The following AMTN variants were observed in gnomAD, a reference collection of about 807,000 sequenced individuals.
The protein encoded by AMTN is amelotin.
A neutral mutation model predicts 27.4 loss-of-function variants in AMTN; 29 were observed. That is an observed-to-expected ratio of 1.06 (90% confidence interval 0.79 to 1.44). The LOEUF (loss-of-function observed/expected upper bound fraction) is 1.44, where lower values mean the gene tolerates loss of function less well. Among genes scored for constraint, AMTN ranks in the 40% most tolerant of loss-of-function variants. The probability of loss-of-function intolerance (pLI) is 0.00; values close to 1 mark genes in which losing one functional copy is unlikely to be tolerated. For synonymous variants in AMTN, 86 were observed against 95.7 expected, an observed-to-expected ratio of 0.90 and a Z score of 0.59; for missense variants, 247 against 248.8, an observed-to-expected ratio of 0.99 and a Z score of 0.05.
chr4:70,525,949 C>T (rs1014894076), intron 5 of AMTN, among the ~76,000 whole-genome samples: 1 of 152,030 alleles, frequency 6.6e-6, no homozygotes, highest in Non-Finnish European at 1.5e-5. Flanking sequence ...TACAATAATC[C>T]TTTTACAGCA....
rs1262490687 is a variant in AMTN at position 70,531,058 on chromosome 4, TCATCATC to T, written c.381_387del (p.Ile128ProfsTer31). 12 of 1,613,914 alleles carry T rather than the reference TCATCATC, an allele frequency of 7.4e-6. No individual in the cohort carries two copies. The African/African-American group carries it at 1.6e-4, about 22-fold the overall frequency. Reference sequence around the variant, plus strand: ...TTCCAGCCACAAATCTTCACGAGCCTCATCATCCATTCCTTGTTCCCGGGAGGCATCC... The same window carrying T: ...TTCCAGCCACAAATCTTCACGAGCCTCATTCCTTGTTCCCGGGAGGCATCC... On this transcript the variant is annotated frameshift_variant, in exon 8 of 9. Transcript: ENST00000339336. LOFTEE classifies it high-confidence loss of function.
intron 4 of AMTN, among the ~76,000 whole-genome samples, chr4:70,524,228 C>T (rs1736045794): frequency 1.3e-5 from 2 of 152,068 alleles, no homozygotes; most frequent in Admixed American, 1.3e-4. Context: ...TCTTTAATGC[C>T]CCTACAGCAT....
intron 3 of AMTN, among the ~76,000 whole-genome samples, 165 bp from the exon 4 acceptor site, chr4:70,523,703 C>CA (rs1736028178): frequency 6.6e-6 from 1 of 152,164 alleles, no homozygotes; most frequent in South Asian, 2.1e-4. Context: ...CCCAGGGCCA[C>CA]AAAGGGAGCA....
chr4:70,522,672 A>C lies in AMTN; in HGVS notation c.55-83A>C, dbSNP rs111449428. ...AAGCCTAAAAGATAGACATGTTTGC[A>C]TTGGTGGCAACCTGGATATAAATGG... On this transcript the variant is annotated intron_variant, in intron 2 of 8. Coordinates refer to ENST00000339336, the MANE Select transcript of AMTN (RefSeq NM_212557.4). The C allele has an allele frequency of 2.7e-4, 345 of 1,294,478 alleles. No individual in the cohort carries two copies. In the African/African-American group the frequency reaches 2.8e-3, roughly 10 times the overall value. The allele number at this position is 1,294,478 out of a possible 1,614,324, so 80.2% of individuals were successfully genotyped here.
At chr4:70,529,801 T>C (rs1387299382) in intron 7 of AMTN, among the ~76,000 whole-genome samples, 2 of 152,160 alleles carry the variant, frequency 1.3e-5, no homozygotes, top group African/African-American at 4.8e-5. Flanking sequence ...CAGTACAGAA[T>C]TGAGGCAATA....
Position 70,532,504 on chromosome 4 carries a change from G to T in AMTN, c.*39G>T, listed in dbSNP as rs116235695. The stretch of plus-strand genomic sequence containing the variant: ...TTTTCAACTAAGCTGCCTCGAATTT[G>T]GTGATACATGTGAATCTTTATCATT... On this transcript the variant is annotated 3_prime_UTR_variant, in exon 9 of 9. Coordinates refer to ENST00000339336, the MANE Select transcript of AMTN (RefSeq NM_212557.4). 2,074 of 1,589,140 alleles carry T rather than the reference G, an allele frequency of 1.3e-3. 27 individuals are homozygous for T. The African/African-American group carries it at 0.025, about 19-fold the overall frequency.
At chr4:70,532,215 C>T (rs1001524251) in intron 8 of AMTN, among the ~76,000 whole-genome samples, 14 of 152,112 alleles carry the variant, frequency 9.2e-5, no homozygotes, top group African/African-American at 3.1e-4. Context: ...AGCAGATAAA[C>T]CCATCTGCCG....
intron 1 of AMTN, 49 bp downstream of exon 1, chr4:70,518,703 T>C: frequency 8.2e-7 from 1 of 1,218,230 alleles, no homozygotes. Flanking sequence ...TTTTAAAGTA[T>C]CATTTTCTCT....
At chr4:70,532,063 G>A (rs1736237741) in intron 8 of AMTN, among the ~76,000 whole-genome samples, 1 of 152,156 alleles carries the variant, frequency 6.6e-6, no homozygotes, top group Non-Finnish European at 1.5e-5. Flanking sequence ...CACGCACATA[G>A]AAGCCTATAG....
intron 5 of AMTN, among the ~76,000 whole-genome samples, chr4:70,525,460 C>CA (rs1453488697): frequency 1.8e-4 from 27 of 151,940 alleles, no homozygotes; most frequent in Non-Finnish European, 1.5e-5. Context: ...CACTTGCTTT[C>CA]AAAAAAACGA....
In AMTN at chr4:70,531,106, C is replaced by T. The variant is rs1313112154; in HGVS notation, c.425C>T (p.Ala142Val). 1.2e-6 allele frequency: 2 copies of T among 1,613,992 alleles called. No homozygotes were observed. Among genetic ancestry groups the T allele is most frequent in the African/African-American group, 2.7e-5 (2 of 74,930 alleles). Residue 142 changes from alanine to valine, a missense_variant, in exon 8 of 9, where the codon GCA (alanine) becomes GTA (valine). Ala to Val is a moderately conservative substitution (Grantham distance 64, BLOSUM62 0). Transcript: ENST00000339336. The part of the protein sequence containing the change: ...FPGGILPTSQ[A>V]GANPDVQDGS... ...GGAGGCATCCTGCCCACCAGTCAGGCAGGGGCTAATCCAGATGTCCAGGAT... is the reference window on the plus strand; with the variant it reads ...GGAGGCATCCTGCCCACCAGTCAGGTAGGGGCTAATCCAGATGTCCAGGAT...
At chr4:70,521,638 C>CTTTT (rs1560572106) in intron 2 of AMTN, among the ~76,000 whole-genome samples, 1 of 78,956 alleles carries the variant, frequency 1.3e-5, no homozygotes, top group African/African-American at 5.0e-5. Context: ...ATACCAACCT[C>CTTTT]TCTTTTTTTT....
chr4:70,523,735 G>T lies in AMTN; in HGVS notation c.139-133G>T, dbSNP rs1736029271. The T allele has an allele frequency of 6.8e-6, 5 of 739,588 alleles. No homozygotes were observed. In the Admixed American group the frequency reaches 1.1e-4, roughly 16 times the overall value. 45.8% of individuals were successfully genotyped at this position (739,588 alleles called of 1,614,324 possible). A position where few individuals can be genotyped will look rare whatever the true frequency, so the allele number is the denominator to read the frequency against. On this transcript the variant is annotated intron_variant, in intron 3 of 8. Coordinates refer to ENST00000339336, the MANE Select transcript of AMTN (RefSeq NM_212557.4). ...AGCAATGCTAGTGAGAGGCCCCGAG[G>T]CTTCATCTTTATTTACCTTCATGGT...
chr4:70,528,968 T>A (rs2109774376), intron 6 of AMTN, among the ~76,000 whole-genome samples: 1 of 152,340 alleles, frequency 6.6e-6, no homozygotes, highest in African/African-American at 2.4e-5. Context: ...TGGATGGAGA[T>A]TAACTCATTA....
chr4:70,524,853 C>A lies in AMTN; in HGVS notation c.205-19C>A. The A allele has an allele frequency of 6.2e-7, 1 of 1,609,768 alleles. No individual in the cohort carries two copies. Among genetic ancestry groups the A allele is most frequent in the Non-Finnish European group, 8.5e-7 (1 of 1,176,338 alleles). The stretch of plus-strand genomic sequence containing the variant: ...AACTGAAAAAAAATACAATGAAAGT[C>A]TTCTTCCTTGCCCTACAGTTAAATC... On this transcript the variant is annotated intron_variant, in intron 4 of 8. Transcript: ENST00000339336.
At chr4:70,519,086 C>T (rs1035801664) in intron 2 of AMTN, among the ~76,000 whole-genome samples, 4 of 152,040 alleles carry the variant, frequency 2.6e-5, no homozygotes, top group African/African-American at 9.7e-5. Flanking sequence ...GAGCAATAGG[C>T]TAGAAATTAG....
chr4:70,518,640 C>T lies in AMTN; in HGVS notation c.-30C>T. The T allele has an allele frequency of 4.4e-6, 3 of 687,280 alleles. No individual in the cohort carries two copies. Among genetic ancestry groups the T allele is most frequent in the East Asian group, 5.4e-5 (2 of 36,718 alleles). The allele number at this position is 687,280 out of a possible 1,614,324, so 42.6% of individuals were successfully genotyped here. On this transcript the variant is annotated 5_prime_UTR_variant, in exon 1 of 9. Transcript: ENST00000339336. ...GGACCTTGAGTATTGTACATTTTGC[C>T]TCGTGGACCCAAAGGTAACATTAAT...
chr4:70,521,898 G>A (rs564247663), intron 2 of AMTN, among the ~76,000 whole-genome samples: 3 of 152,016 alleles, frequency 2.0e-5, no homozygotes, highest in South Asian at 2.1e-4. Flanking sequence ...GGGATTACAC[G>A]GTGGCATGAG....
chr4:70,526,544 A>T (rs17733347), intron 5 of AMTN, among the ~76,000 whole-genome samples: 1 of 151,950 alleles, frequency 6.6e-6, no homozygotes, highest in African/African-American at 2.4e-5. Flanking sequence ...TTGATAATAA[A>T]ATTTTTGATA....
Sources: gnomAD v4.1 joint callset for allele counts (sites outside exome capture counted in the v4.1 genomes callset) on GRCh38, gnomAD v4.1.1 for gene constraint, MANE v1.5 for transcripts, NCBI Gene and HGNC (gene_info 2026-07-23, HGNC 2026-07-21) for gene names.